ZPBP: variants seen among roughly 807,000 people sequenced by gnomAD.
ZPBP encodes the protein zona pellucida binding protein, also known as zona pellucida-binding protein 1.
A neutral mutation model predicts 44.8 loss-of-function variants in ZPBP; 26 were observed. That is an observed-to-expected ratio of 0.58 (90% CI 0.43 to 0.81). ZPBP has a LOEUF of 0.81. ZPBP is among the 30% of genes least tolerant of loss of function. ZPBP has a pLI of 0.00. For synonymous variants in ZPBP, 174 were observed against 153.2 expected (o/e 1.14, Z -1.00); for missense variants, 409 against 434.0 (o/e 0.94, Z 0.51).
chr7:49,924,139 T>A (rs528991796), intron 1 of ZPBP, among the ~76,000 whole-genome samples: 28 of 148,828 alleles, frequency 1.9e-4, no homozygotes, highest in African/African-American at 5.7e-4. Context: ...TAATAATAAA[T>A]AATAATAATA....
At chr7:49,971,557 CAAAA>C (rs1033595173) in intron 7 of ZPBP, among the ~76,000 whole-genome samples, 1 of 151,960 alleles carries the variant, frequency 6.6e-6, no homozygotes, top group African/African-American at 2.4e-5. Flanking sequence ...AAAAATGACT[CAAAA>C]GAAACAGAAA....
chr7:49,972,008 T>C lies in ZPBP; in HGVS notation c.961+11334A>G, dbSNP rs181194187. On this transcript the variant is annotated intron_variant, in intron 7 of 7. Transcript: ENST00000046087. ...GAAAAAAACTACAAGCTCATGTCAA[T>C]TGATGCAGAAAAACCACTTGTCCAA... is the stretch of plus-strand genomic sequence containing the variant. 2.6e-5 allele frequency among the ~76,000 whole-genome samples: 4 copies of C among 152,184 alleles called. No individual in the cohort carries two copies. The East Asian group carries it at 5.8e-4, about 22-fold the overall frequency.
chr7:50,079,605 T>C (rs1802265863), intron 3 of ZPBP, among the ~76,000 whole-genome samples: 1 of 151,560 alleles, frequency 6.6e-6, no homozygotes, highest in Admixed American at 6.6e-5. Context: ...ATTTCAGTTA[T>C]AAGATGAATA....
At chr7:50,088,773 T>C (rs959055578) in intron 2 of ZPBP, among the ~76,000 whole-genome samples, 3 of 151,968 alleles carry the variant, frequency 2.0e-5, no homozygotes, top group Non-Finnish European at 4.4e-5. Context: ...GTTTAGGATA[T>C]TGGAAAATCT....
intron 6 of ZPBP, among the ~76,000 whole-genome samples, chr7:49,988,676 A>T (rs1251181525): frequency 6.6e-6 from 1 of 152,304 alleles, no homozygotes; most frequent in South Asian, 2.1e-4. Context: ...TCTTCAAAGG[A>T]TGGTCTATAA....
intron 1 of ZPBP, 172 bp downstream of exon 1, chr7:50,092,896 T>G (rs1018372621): frequency 3.0e-6 from 3 of 999,878 alleles, no homozygotes; most frequent in Non-Finnish European, 4.2e-6. Context: ...TCTATGCAAA[T>G]GCAGAGTGAC....
At chr7:49,943,652 C>T (rs1255289043) in intron 7 of ZPBP, 4 of 309,296 alleles carry the variant, frequency 1.3e-5, no homozygotes, top group Non-Finnish European at 1.9e-5. Context: ...GCCCAGGTTG[C>T]AACAAGGTCA....
At chr7:49,946,492 T>C (rs1035161302) in intron 7 of ZPBP, among the ~76,000 whole-genome samples, 1 of 152,152 alleles carries the variant, frequency 6.6e-6, no homozygotes, top group African/African-American at 2.4e-5. Context: ...TTTTTCTTTT[T>C]TTTCCTTCAG....
At chr7:49,967,237 C>T (rs933225512) in intron 7 of ZPBP, among the ~76,000 whole-genome samples, 1 of 152,186 alleles carries the variant, frequency 6.6e-6, no homozygotes, top group Admixed American at 6.5e-5. Context: ...CTAATGATTT[C>T]TGTGTTTCAA....
intron 7 of ZPBP, chr7:49,940,761 T>C: frequency 2.0e-6 from 2 of 985,204 alleles, no homozygotes; most frequent in Non-Finnish European, 2.4e-6. Context: ...GATTCCATCC[T>C]ACACAACTGA....
In ZPBP at chr7:49,956,678, C is replaced by A. The variant is rs945281082; in HGVS notation, c.962-19056G>T. On this transcript the variant is annotated intron_variant, in intron 7 of 7. Coordinates refer to ENST00000046087, the MANE Select transcript of ZPBP (RefSeq NM_007009.3). ...AGATGGGCATGCTATGTTCATGGAT[C>A]TAAAGATTTAATATAGTAAAATTAT... 2.0e-5 allele frequency among the ~76,000 whole-genome samples: 3 copies of A among 151,984 alleles called. No individual in the cohort carries two copies. In the South Asian group the frequency reaches 6.2e-4, roughly 31 times the overall value.
chr7:49,891,225 A>G (rs1792114842), intron 2 of ZPBP, among the ~76,000 whole-genome samples: 1 of 152,230 alleles, frequency 6.6e-6, no homozygotes, highest in Non-Finnish European at 1.5e-5. Flanking sequence ...CAGACAAAGT[A>G]GATTTTAAGG....
intron 4 of ZPBP, among the ~76,000 whole-genome samples, chr7:50,039,809 T>C (rs1382223856): frequency 6.6e-6 from 1 of 152,152 alleles, no homozygotes; most frequent in Non-Finnish European, 1.5e-5. Context: ...ATTGTTTAGT[T>C]TGTAACATTT....
At chr7:49,978,715 C>G (rs998006233) in intron 7 of ZPBP, among the ~76,000 whole-genome samples, 1 of 151,814 alleles carries the variant, frequency 6.6e-6, no homozygotes, top group African/African-American at 2.4e-5. Flanking sequence ...ATTTTAAATT[C>G]ATTTACTATG....
At chr7:49,985,973 T>C (rs1315650547) in intron 6 of ZPBP, among the ~76,000 whole-genome samples, 1 of 151,920 alleles carries the variant, frequency 6.6e-6, no homozygotes, top group African/African-American at 2.4e-5. Context: ...GCAGAACCCC[T>C]TTTTTTTCAC....
At chr7:49,957,562 G>A (rs1795664119) in intron 7 of ZPBP, among the ~76,000 whole-genome samples, 1 of 152,188 alleles carries the variant, frequency 6.6e-6, no homozygotes, top group Admixed American at 6.5e-5. Flanking sequence ...AAGAATACAA[G>A]CAACAAATCT....
intron 1 of ZPBP, chr7:49,916,232 ACTC>A (rs769242091): frequency 1.3e-5 from 2 of 151,964 alleles, no homozygotes; most frequent in Non-Finnish European, 2.9e-5. Flanking sequence ...TAACATCCAA[ACTC>A]CTCAACATGG....
rs890639610 is a variant in ZPBP, at chr7:50,031,286, T to C, written c.512A>G (p.Tyr171Cys). The change falls in exon 5 of 8, where the codon TAT becomes TGT. Residue 171 changes from tyrosine to cysteine, a missense_variant. Tyr to Cys is a radical substitution (Grantham distance 194, BLOSUM62 -2). Transcript: ENST00000046087. ...TGCATGATATCGAGCTGTGAACTGA[T>C]AATAATAATGAGGCTCACGATAAGC... ...IYAYREPHYY[Y>C]QFTARYHAAP... is the part of the protein sequence containing the mutation. 1 of 1,610,644 alleles carries C rather than the reference T, an allele frequency of 6.2e-7. No individual in the cohort carries two copies. Among genetic ancestry groups the C allele is most frequent in the African/African-American group, 1.3e-5 (1 of 74,754 alleles).
chr7:49,881,209 G>A (rs934417071), intron 2 of ZPBP, among the ~76,000 whole-genome samples: 1 of 152,110 alleles, frequency 6.6e-6, no homozygotes, highest in Non-Finnish European at 1.5e-5. Flanking sequence ...GAGCCGAGAG[G>A]AGGAGAGTCC....
Sources: gnomAD v4.1 joint callset for allele counts (sites outside exome capture counted in the v4.1 genomes callset) on GRCh38, gnomAD v4.1.1 for gene constraint, MANE v1.5 for transcripts, NCBI Gene and HGNC (gene_info 2026-07-23, HGNC 2026-07-21) for gene names.